Variants in PARP2 observed in about 807,000 individuals in gnomAD.
PARP2 encodes the protein poly(ADP-ribose) polymerase 2.
A neutral mutation model predicts 77.8 loss-of-function variants in PARP2; 57 were observed. The ratio of observed to expected loss-of-function variants is 0.73; its 90% CI spans 0.59 to 0.91. PARP2 has a LOEUF of 0.91. PARP2 is among the 40% of genes least tolerant of loss of function. The probability of loss-of-function intolerance (pLI) is 0.00; values close to 1 mark genes in which losing one functional copy is unlikely to be tolerated. For synonymous variants in PARP2, 226 were observed against 242.6 expected (o/e 0.93, Z 0.64); for missense variants, 651 against 689.0 (o/e 0.94, Z 0.62).
chr14:20,355,235 T>A (rs1184806631), intron 9 of PARP2: 1 of 276,170 alleles, frequency 3.6e-6, no homozygotes, highest in Non-Finnish European at 6.7e-6. Context: ...TTCAGGCATA[T>A]CACCCCCTTT....
chr14:20,354,224 A>G lies in PARP2; in HGVS notation c.740A>G (p.Tyr247Cys). ...GAAGAAATGATGATGGAAATGAAGT[A>G]TAATACCAAGAAAGCCCCACTTGGT... ...AMEEMMMEMK[Y>C]NTKKAPLGKL... The change falls in exon 8 of 16, where the codon TAT becomes TGT. Residue 247 changes from tyrosine to cysteine, a missense_variant. Physicochemically the swap from Tyr to Cys is radical, Grantham distance 194. Transcript: ENST00000429687. The G allele has an allele frequency of 2.5e-6, 4 of 1,613,638 alleles. No homozygotes were observed. Among genetic ancestry groups the G allele is most frequent in the African/African-American group, 1.3e-5 (1 of 75,064 alleles).
intron 4 of PARP2, among the ~76,000 whole-genome samples, chr14:20,348,693 C>T (rs985803245): frequency 6.6e-6 from 1 of 152,138 alleles, no homozygotes; most frequent in Non-Finnish European, 1.5e-5. Flanking sequence ...CTTACTATTT[C>T]TTCTACTTAA....
chr14:20,350,410 T>C, intron 4 of PARP2, 116 bp from the exon 5 acceptor site: 1 of 576,246 alleles, frequency 1.7e-6, no homozygotes, highest in Non-Finnish European at 3.1e-6. Flanking sequence ...TCTTGCCTGA[T>C]GCTATCCTTT....
At position 20,352,282 on chromosome 14, in the gene PARP2, G is replaced by A. The variant is rs1488626279; in HGVS notation, c.535G>A (p.Glu179Lys). 24 of 1,613,312 alleles carry A rather than the reference G, an allele frequency of 1.5e-5. No homozygotes were observed. The highest frequency in any genetic ancestry group is 2.0e-5 in the Non-Finnish European group (23 of 1,179,364). Residue 179 changes from glutamate (E) to lysine (K), a missense_variant, in exon 7 of 16, where the codon GAA (glutamate) becomes AAA (lysine). Physicochemically the swap from Glu to Lys is moderately conservative, Grantham distance 56. Coordinates refer to ENST00000429687, the MANE Select transcript of PARP2 (RefSeq NM_001042618.2). ...DKTKNNWEDR[E>K]KFEKVPGKYD... is the part of the protein sequence containing the mutation. ...AACGAAAAACAATTGGGAAGATCGA[G>A]AAAAGTTTGAGAAGGTGCCTGGAAA...
intron 4 of PARP2, among the ~76,000 whole-genome samples, chr14:20,347,343 CAT>C (rs35217486): frequency 0.077 from 5,886 of 76,664 alleles, 1,122 homozygotes; most frequent in African/African-American, 0.34. Context: ...TAAAGTCCTT[CAT>C]ATGTGTGTGT....
Position 20,346,914 on chromosome 14 carries a change from G to T in PARP2, c.324+1G>T. On this transcript the variant is annotated splice_donor_variant, in intron 4 of 15. Transcript: ENST00000429687. LOFTEE classifies it high-confidence loss of function. ...TGTCTATGATGTCATGCTAAATCAG[G>T]TAAGAGGCAAGAAGAGGTGGCACCA... The T allele has an allele frequency of 6.3e-7, 1 of 1,595,568 alleles. No homozygotes were observed.
At chr14:20,352,463 C>T (rs979613397) in intron 7 of PARP2, 116 bp downstream of exon 7, 3 of 597,718 alleles carry the variant, frequency 5.0e-6, no homozygotes, top group Admixed American at 5.7e-5. Context: ...CTCACTGCAG[C>T]CTCAAGATCC....
At chr14:20,357,331 G>A (rs1884194737) in intron 14 of PARP2, 65 bp from the exon 15 acceptor site, 7 of 1,548,700 alleles carry the variant, frequency 4.5e-6, no homozygotes, top group East Asian at 2.3e-5. Flanking sequence ...GGGATTTTCT[G>A]TTTGGCTTTG....
intron 4 of PARP2, among the ~76,000 whole-genome samples, chr14:20,348,215 G>A (rs192261809): frequency 6.6e-6 from 1 of 152,094 alleles, no homozygotes; most frequent in East Asian, 1.9e-4. Context: ...TTTCTTACTG[G>A]TTTCGAGGAA....
At chr14:20,344,861 T>C in intron 1 of PARP2, 71 bp from the exon 2 acceptor site, 2 of 1,012,056 alleles carry the variant, frequency 2.0e-6, no homozygotes, top group East Asian at 2.4e-5. Context: ...TTTAAAAGAT[T>C]TTTTTCAATC....
At chr14:20,344,263 C>T (rs1026425688) in intron 1 of PARP2, 1 of 152,998 alleles carries the variant, frequency 6.5e-6, no homozygotes, top group African/African-American at 2.4e-5. Context: ...CAGAGCTAGG[C>T]TCTAAATTAG....
At chr14:20,345,127 G>A (rs1460660409) in intron 2 of PARP2, 40 bp downstream of exon 2, 7 of 1,609,012 alleles carry the variant, frequency 4.4e-6, no homozygotes, top group Non-Finnish European at 6.0e-6. Context: ...AGGGTCTCTG[G>A]TAGGAGTGGA....
intron 3 of PARP2, 91 bp downstream of exon 3, chr14:20,345,555 T>A: frequency 1.1e-6 from 1 of 901,890 alleles, no homozygotes; most frequent in Non-Finnish European, 1.8e-6. Context: ...CTGTTAGTAC[T>A]CATTTTAGGA....
Position 20,357,077 on chromosome 14 carries a change from C to T in PARP2, c.1356C>T (p.Asp452=). Residue 452 remains aspartate (D), a synonymous_variant, in exon 14 of 16, where the codon GAC becomes GAT. Coordinates refer to ENST00000429687, the MANE Select transcript of PARP2 (RefSeq NM_001042618.2). The part of the protein sequence containing the change: ...YMFGKGIYFA[D]MSSKSANYCF... The stretch of plus-strand genomic sequence containing the variant: ...TTGGGAAAGGAATCTACTTTGCTGA[C>T]ATGTCTTCCAAGAGTGCCAATTACT... 1 of 1,611,838 alleles carries T rather than the reference C, an allele frequency of 6.2e-7. No individual in the cohort carries two copies. The highest frequency in any genetic ancestry group is 8.5e-7 in the Non-Finnish European group (1 of 1,177,862).
At chr14:20,356,485 G>A in intron 12 of PARP2, 51 bp downstream of exon 12, 1 of 1,613,008 alleles carries the variant, frequency 6.2e-7, no homozygotes, top group South Asian at 1.1e-5. Context: ...CGAAAGTACA[G>A]CTGTAGAACT....
At chr14:20,356,086 A>G (rs1201445129) in intron 11 of PARP2, 55 bp downstream of exon 11, 15 of 1,577,160 alleles carry the variant, frequency 9.5e-6, no homozygotes, top group Non-Finnish European at 1.3e-5. Context: ...CACCTCCCCC[A>G]TCCCACTGTT....
In PARP2 at chr14:20,345,068, G is replaced by A; in HGVS notation, c.183G>A (p.Arg61=). The change falls in exon 2 of 16, where the codon AGG becomes AGA. Residue 61 remains arginine (R), a synonymous_variant. Transcript: ENST00000429687. ...PVAGGKANKD[R]TEDKQDESVK... ...CTGGAGGAAAAGCTAATAAGGACAG[G>A]ACAGAAGACAAGCAAGATGGTATGC... 2 of 1,614,148 alleles carry A rather than the reference G, an allele frequency of 1.2e-6. No individual in the cohort carries two copies. The highest frequency in any genetic ancestry group is 1.7e-6 in the Non-Finnish European group (2 of 1,180,002).
At chr14:20,351,508 A>G (rs146631142) in intron 6 of PARP2, among the ~76,000 whole-genome samples, 1,834 of 152,290 alleles carry the variant, frequency 0.012, 32 homozygotes, top group African/African-American at 0.042. Context: ...TGTGTGGCTT[A>G]TAAAAAACTT....
chr14:20,351,336 G>A (rs886681415), intron 6 of PARP2, among the ~76,000 whole-genome samples: 5 of 151,664 alleles, frequency 3.3e-5, no homozygotes, highest in East Asian at 1.9e-4. Context: ...CCACCACCAC[G>A]CCCAGCTAAT....
Sources: gnomAD v4.1 joint callset for allele counts (sites outside exome capture counted in the v4.1 genomes callset) on GRCh38, gnomAD v4.1.1 for gene constraint, MANE v1.5 for transcripts, NCBI Gene and HGNC (gene_info 2026-07-23, HGNC 2026-07-21) for gene names.